Variants in TLN2 observed in about 807,000 individuals in gnomAD.
TLN2 encodes the protein talin 2.
In TLN2, 118 loss-of-function variants were observed where a neutral mutation model predicts 294.7. The observed-to-expected ratio is 0.40, with a 90% CI of 0.34 to 0.47. The LOEUF (loss-of-function observed/expected upper bound fraction) is 0.47, where lower values mean the gene tolerates loss of function less well. TLN2 is among the 20% of genes least tolerant of loss of function. The pLI is 0.84. For synonymous variants in TLN2, 1,431 were observed against 1,304.5 expected (o/e 1.10, Z -2.09); for missense variants, 3,083 against 3,282.2 (o/e 0.94, Z 1.48).
intron 1 of TLN2, among the ~76,000 whole-genome samples, chr15:62,410,047 G>T (rs1395885643): frequency 3.3e-5 from 5 of 152,122 alleles, no homozygotes; most frequent in Non-Finnish European, 7.3e-5. Flanking sequence ...TTCAAGACCA[G>T]CCTGACCAAC....
At position 62,843,985 on chromosome 15, in the gene TLN2, C is replaced by G. The variant is rs1596243405; in HGVS notation, c.*3375C>G. 1 of 152,228 alleles carries G rather than the reference C, an allele frequency of 6.6e-6. No homozygotes were observed. The highest frequency in any genetic ancestry group is 2.4e-5 in the African/African-American group (1 of 41,458). 9.4% of individuals were successfully genotyped at this position (152,228 alleles called of 1,614,324 possible). On this transcript the variant is annotated 3_prime_UTR_variant, in exon 59 of 59. Transcript: ENST00000636159. The stretch of plus-strand genomic sequence containing the variant: ...GCACAGACTATCAGCATGTTCCATT[C>G]TCAGATTCCTGGAGGAAAGGTACCC...
chr15:62,642,836 G>A (rs1233873570), intron 3 of TLN2, among the ~76,000 whole-genome samples: 1 of 151,752 alleles, frequency 6.6e-6, no homozygotes, highest in Non-Finnish European at 1.5e-5. Flanking sequence ...TGAGTAGCTG[G>A]GATTACAGGT....
chr15:62,582,195 TACACACACACACACAC>T (rs67748452), intron 1 of TLN2, among the ~76,000 whole-genome samples: 2,331 of 66,488 alleles, frequency 0.035, 46 homozygotes, highest in South Asian at 0.14. Flanking sequence ...TGTGTATGCA[TACACACACACACACAC>T]ACACACACAC....
In TLN2 at chr15:62,697,700, G is replaced by A; in HGVS notation, c.1305G>A (p.Leu435=). ...ESVSPKKSTI[L]QQQFNRTGKA... ...CTTTTCCCGGCAGGTCCACCATCTT[G>A]CAGCAGCAGTTCAACCGGACCGGGA... is the stretch of plus-strand genomic sequence containing the variant. The change falls in exon 15 of 59, where the codon TTG becomes TTA. Residue 435 remains leucine (L), a synonymous_variant. Transcript: ENST00000636159. 6.3e-7 allele frequency: 1 copy of A among 1,599,070 alleles called. No homozygotes were observed. Among genetic ancestry groups the A allele is most frequent in the East Asian group, 2.3e-5 (1 of 44,420 alleles).
In TLN2 at chr15:62,692,778, C is replaced by T. The variant is rs1455025988; in HGVS notation, c.1114-62C>T. The T allele has an allele frequency of 3.7e-6, 5 of 1,342,934 alleles. No individual in the cohort carries two copies. The East Asian group carries it at 1.2e-4, about 31-fold the overall frequency. 83.2% of individuals were successfully genotyped at this position (1,342,934 alleles called of 1,614,324 possible). A position where few individuals can be genotyped will look rare whatever the true frequency, so the allele number is the denominator to read the frequency against. ...TCATATTGTTCTAGAGCTGGACCTG[C>T]TAGCCTTTAAAATGCTGATATATCT... On this transcript the variant is annotated intron_variant, in intron 12 of 58. Coordinates refer to ENST00000636159, the MANE Select transcript of TLN2 (RefSeq NM_015059.3).
At chr15:62,667,617 T>A (rs575270331) in intron 9 of TLN2, among the ~76,000 whole-genome samples, 1 of 152,174 alleles carries the variant, frequency 6.6e-6, no homozygotes, top group Non-Finnish European at 1.5e-5. Context: ...CCTTTTCAAG[T>A]GATAAAAACC....
intron 37 of TLN2, among the ~76,000 whole-genome samples, chr15:62,760,096 G>A (rs1253590058): frequency 1.2e-4 from 18 of 152,194 alleles, no homozygotes; most frequent in Admixed American, 1.2e-3. Context: ...GCAAGAAGTA[G>A]CCGGCGTGCA....
At chr15:62,701,613 T>A (rs991523352) in intron 17 of TLN2, among the ~76,000 whole-genome samples, 11 of 152,170 alleles carry the variant, frequency 7.2e-5, no homozygotes, top group African/African-American at 2.7e-4. Context: ...TCTGGCACAG[T>A]GTGGCTCCCA....
In TLN2 at chr15:62,763,665, C is replaced by T; in HGVS notation, c.5064C>T (p.Ser1688=). The change falls in exon 40 of 59, where the codon AGC becomes AGT. Residue 1688 remains serine, a synonymous_variant. Transcript: ENST00000636159. ...EQASLAAVSQ[S]LATRDDISVE... ...CCTCGCTGGCCGCCGTCAGCCAGAG[C>T]CTGGCCACGAGGGACGACATCTCTG... The T allele has an allele frequency of 6.2e-7, 1 of 1,612,284 alleles. No individual in the cohort carries two copies. The highest frequency in any genetic ancestry group is 8.5e-7 in the Non-Finnish European group (1 of 1,179,418).
At chr15:62,612,984 G>A (rs1327221328) in intron 2 of TLN2, among the ~76,000 whole-genome samples, 1 of 152,170 alleles carries the variant, frequency 6.6e-6, no homozygotes, top group African/African-American at 2.4e-5. Context: ...CAGCATTTAG[G>A]AATGTATAAC....
At chr15:62,601,779 A>G (rs1301922997) in intron 2 of TLN2, among the ~76,000 whole-genome samples, 1 of 152,062 alleles carries the variant, frequency 6.6e-6, no homozygotes, top group Non-Finnish European at 1.5e-5. Flanking sequence ...ATGTTCTTTT[A>G]TTTTCAAGGC....
chr15:62,424,188 C>A (rs2034572516), intron 1 of TLN2, among the ~76,000 whole-genome samples: 1 of 152,138 alleles, frequency 6.6e-6, no homozygotes, highest in African/African-American at 2.4e-5. Context: ...ATATATGAGG[C>A]ACATAGCATG....
At chr15:62,723,228 A>C (rs1317104290) in intron 26 of TLN2, among the ~76,000 whole-genome samples, 1 of 152,252 alleles carries the variant, frequency 6.6e-6, no homozygotes, top group African/African-American at 2.4e-5. Context: ...CCAAATAAAA[A>C]TATCCAGAGC....
At chr15:62,513,458 T>C (rs963127964) in intron 1 of TLN2, among the ~76,000 whole-genome samples, 1 of 152,200 alleles carries the variant, frequency 6.6e-6, no homozygotes, top group Admixed American at 6.5e-5. Flanking sequence ...AACTTTCTGC[T>C]CTGTTGTAAA....
At chr15:62,609,626 T>C (rs1260962940) in intron 2 of TLN2, among the ~76,000 whole-genome samples, 1 of 152,198 alleles carries the variant, frequency 6.6e-6, no homozygotes, top group Non-Finnish European at 1.5e-5. Flanking sequence ...TTGGCGGGAA[T>C]ATCACAGAAG....
chr15:62,623,825 TGA>T (rs1037111369), intron 3 of TLN2, among the ~76,000 whole-genome samples: 1 of 152,202 alleles, frequency 6.6e-6, no homozygotes, highest in Non-Finnish European at 1.5e-5. Context: ...TAGCAAAATA[TGA>T]GAGAAAGGCA....
chr15:62,519,664 G>A (rs2040360214), intron 1 of TLN2, among the ~76,000 whole-genome samples: 1 of 152,200 alleles, frequency 6.6e-6, no homozygotes, highest in Admixed American at 6.5e-5. Context: ...CTTGTCAGTG[G>A]TGTATGCAGA....
intron 1 of TLN2, among the ~76,000 whole-genome samples, chr15:62,559,546 C>T (rs981021712): frequency 1.3e-5 from 2 of 152,180 alleles, no homozygotes; most frequent in African/African-American, 2.4e-5. Context: ...TTCTTGTGCT[C>T]GTGCCACCTA....
At chr15:62,533,335 A>G (rs1046880286) in intron 1 of TLN2, among the ~76,000 whole-genome samples, 10 of 150,662 alleles carry the variant, frequency 6.6e-5, no homozygotes, top group South Asian at 2.1e-4. Flanking sequence ...CAGGTAGCCC[A>G]TGTTCCACAC....
Sources: allele counts gnomAD v4.1 joint callset (sites outside exome capture counted in the v4.1 genomes callset), GRCh38; gene constraint gnomAD v4.1.1; transcripts MANE v1.5; gene names NCBI Gene and HGNC (gene_info 2026-07-23, HGNC 2026-07-21).